The following GSE1 variants were observed in gnomAD, a reference collection of about 807,000 sequenced individuals.
The protein encoded by GSE1 is genetic suppressor element 1.
In GSE1, 32 loss-of-function variants were observed where a neutral mutation model predicts 112.6. The ratio of observed to expected loss-of-function variants is 0.28; its 90% CI spans 0.21 to 0.38. The LOEUF is 0.38. Ranked by LOEUF, GSE1 falls within the 10% of genes least tolerant of loss-of-function variation. The pLI is 1.00. For missense variants in GSE1, 2,348 were observed against 1,699.2 expected (o/e 1.38, Z -6.71); for synonymous variants, 1,115 against 735.6 (o/e 1.52, Z -8.35).
intron 11 of GSE1, 113 bp from the exon 12 acceptor site, chr16:85,664,902 T>G (rs926641181): frequency 1.4e-6 from 1 of 713,410 alleles, no homozygotes; most frequent in Non-Finnish European, 2.4e-6. Context: ...TGCTTTTGGT[T>G]TTTCGGGCTT....
At chr16:85,556,451 C>T (rs1174280201) in intron 1 of GSE1, 1 of 517,494 alleles carries the variant, frequency 1.9e-6, no homozygotes, top group Non-Finnish European at 2.5e-6. Flanking sequence ...GCCAGACCCC[C>T]GAGCCAGGGT....
intron 1 of GSE1, among the ~76,000 whole-genome samples, chr16:85,246,693 G>A (rs1331352847): frequency 6.6e-6 from 1 of 152,026 alleles, no homozygotes; most frequent in Non-Finnish European, 1.5e-5. Context: ...ACCCTCGGAG[G>A]CCCCAGAACC....
chr16:85,661,294 A>G lies in GSE1; in HGVS notation c.1789A>G (p.Thr597Ala). 1 of 1,612,726 alleles carries G rather than the reference A, an allele frequency of 6.2e-7. No homozygotes were observed. The highest frequency in any genetic ancestry group is 8.5e-7 in the Non-Finnish European group (1 of 1,179,938). ...PVSLMDNTLE[T>A]RRAESHSLHS... The stretch of plus-strand genomic sequence containing the variant: ...GTCCCTGATGGACAACACCTTGGAG[A>G]CGCGGCGGGCCGAAAGCCACTCTCT... The change falls in exon 9 of 16, where the codon ACG becomes GCG. Residue 597 changes from threonine to alanine, a missense_variant. Coordinates refer to ENST00000253458, the MANE Select transcript of GSE1 (RefSeq NM_014615.5).
intron 1 of GSE1, among the ~76,000 whole-genome samples, chr16:85,617,433 A>G (rs896952001): frequency 6.6e-6 from 1 of 152,054 alleles, no homozygotes; most frequent in Non-Finnish European, 1.5e-5. Flanking sequence ...GTTTCTAGGG[A>G]GGCAGGTGGA....
chr16:85,452,278 AT>A (rs1334047111), intron 2 of GSE1, among the ~76,000 whole-genome samples: 1 of 151,990 alleles, frequency 6.6e-6, no homozygotes, highest in Non-Finnish European at 1.5e-5. Context: ...CAGCGCGGTT[AT>A]TTATTTATTT....
chr16:85,316,602 GC>G (rs1365807288), intron 1 of GSE1, among the ~76,000 whole-genome samples: 1 of 152,212 alleles, frequency 6.6e-6, no homozygotes, highest in Non-Finnish European at 1.5e-5. Context: ...CCAGTAGGGG[GC>G]AGTGGAGGTC....
intron 1 of GSE1, among the ~76,000 whole-genome samples, chr16:85,279,213 A>C (rs1357866685): frequency 2.6e-5 from 4 of 152,224 alleles, no homozygotes; most frequent in African/African-American, 4.8e-5. Context: ...CTTCAGGCCA[A>C]GGCCCCAGGG....
chr16:85,332,377 CT>C (rs1239699405), intron 1 of GSE1, among the ~76,000 whole-genome samples: 1 of 152,186 alleles, frequency 6.6e-6, no homozygotes, highest in Non-Finnish European at 1.5e-5. Context: ...ACTGCAGGTG[CT>C]TTGTCCTTAA....
At chr16:85,422,529 T>C (rs1016821906) in intron 2 of GSE1, among the ~76,000 whole-genome samples, 2 of 151,002 alleles carry the variant, frequency 1.3e-5, no homozygotes, top group Non-Finnish European at 2.9e-5. Context: ...GGAGTCCCCT[T>C]GTACACACGT....
rs2005021 is a variant in GSE1, at chr16:85,361,276, C to G, written c.2464+3633C>G. 1.7e-5 allele frequency among the ~76,000 whole-genome samples: 2 copies of G among 115,636 alleles called. 1 individual carries two copies. Among genetic ancestry groups the G allele is most frequent in the Non-Finnish European group, 3.5e-5 (2 of 56,616 alleles). 75.9% of individuals were successfully genotyped at this position (115,636 alleles called of 152,430 possible). A position where few individuals can be genotyped will look rare whatever the true frequency, so the allele number is the denominator to read the frequency against. On this transcript the variant is annotated intron_variant, in intron 2 of 2. Transcript: ENST00000637419. ...GACCCCCCACACACAAACATACAGA[C>G]GCACACAAGGGCAGAGACACACAGA...
At chr16:85,241,218 T>C (rs1447273863) in intron 1 of GSE1, among the ~76,000 whole-genome samples, 2 of 152,144 alleles carry the variant, frequency 1.3e-5, no homozygotes, top group Non-Finnish European at 2.9e-5. Context: ...TTGCTTCTCC[T>C]CCCAGAGCCT....
intron 2 of GSE1, among the ~76,000 whole-genome samples, chr16:85,415,317 G>T (rs559888825): frequency 6.6e-6 from 1 of 152,224 alleles, no homozygotes; most frequent in South Asian, 2.1e-4. Flanking sequence ...TCCTCTTCAT[G>T]TCTACAGAGG....
At chr16:85,368,379 T>G (rs1403760125) in intron 2 of GSE1, among the ~76,000 whole-genome samples, 2 of 152,116 alleles carry the variant, frequency 1.3e-5, no homozygotes, top group Non-Finnish European at 2.9e-5. Context: ...GTTTCACAAC[T>G]GATTAGATCA....
At chr16:85,412,767 C>T (rs903712360) in intron 2 of GSE1, among the ~76,000 whole-genome samples, 1 of 152,152 alleles carries the variant, frequency 6.6e-6, no homozygotes, top group African/African-American at 2.4e-5. Flanking sequence ...CAGGGTCCCT[C>T]TGATAATCCT....
At chr16:85,172,556 G>T (rs374664154) in intron 1 of GSE1, among the ~76,000 whole-genome samples, 1 of 152,232 alleles carries the variant, frequency 6.6e-6, no homozygotes, top group Non-Finnish European at 1.5e-5. Context: ...ATCCGGCTTT[G>T]CAAGGGACCA....
At chr16:85,599,366 C>T (rs1045404708) in intron 1 of GSE1, among the ~76,000 whole-genome samples, 4 of 152,206 alleles carry the variant, frequency 2.6e-5, no homozygotes, top group African/African-American at 9.6e-5. Flanking sequence ...CGGCAGACAC[C>T]CCCTTAGAGC....
Position 85,663,602 on chromosome 16 carries a change from G to C in GSE1, c.2632G>C (p.Glu878Gln). 2 of 1,612,670 alleles carry C rather than the reference G, an allele frequency of 1.2e-6. No homozygotes were observed. The highest frequency in any genetic ancestry group is 1.7e-6 in the Non-Finnish European group (2 of 1,179,318). The change falls in exon 11 of 16, where the codon GAG becomes CAG. Residue 878 changes from glutamate to glutamine, a missense_variant. Coordinates refer to ENST00000253458, the MANE Select transcript of GSE1 (RefSeq NM_014615.5). ...TIFNLTHISAEKRKDKERLVE... is the reference protein window; with the variant it reads ...TIFNLTHISAQKRKDKERLVE... ...CTTCAACCTGACCCACATCAGCGCTGAGAAGAGGAAAGGTAGGGCCTCGCC... is the reference window on the plus strand; with the variant it reads ...CTTCAACCTGACCCACATCAGCGCTCAGAAGAGGAAAGGTAGGGCCTCGCC...
At chr16:85,555,955 CT>C (rs1274154780), upstream of GSE1, 7 of 982,970 alleles carry the variant, frequency 7.1e-6, no homozygotes, top group Non-Finnish European at 6.0e-6. Flanking sequence ...CTCCCCCCTC[CT>C]TTTTTTTATT....
At chr16:85,347,211 C>T (rs2046761476) in intron 1 of GSE1, among the ~76,000 whole-genome samples, 1 of 151,952 alleles carries the variant, frequency 6.6e-6, no homozygotes, top group African/African-American at 2.4e-5. Context: ...TGGGGAATAC[C>T]TCTGGGGCTG....
Sources: gnomAD v4.1 joint callset for allele counts (sites outside exome capture counted in the v4.1 genomes callset) on GRCh38, gnomAD v4.1.1 for gene constraint, MANE v1.5 for transcripts, NCBI Gene and HGNC (gene_info 2026-07-23, HGNC 2026-07-21) for gene names.